ADAMTSL1: variants seen among roughly 807,000 people sequenced by gnomAD.
The protein encoded by ADAMTSL1 is ADAMTS-like protein 1.
A neutral mutation model predicts 201.8 loss-of-function variants in ADAMTSL1; 126 were observed. That is an observed-to-expected ratio of 0.62 (90% confidence interval 0.54 to 0.72). The LOEUF (loss-of-function observed/expected upper bound fraction) is 0.72, where lower values mean the gene tolerates loss of function less well. Ranked by LOEUF, ADAMTSL1 falls within the 30% of genes least tolerant of loss-of-function variation. The pLI is 0.00. For missense variants in ADAMTSL1, 2,679 were observed against 2,277.8 expected, an observed-to-expected ratio of 1.18 and a Z score of -3.59; for synonymous variants, 1,121 against 903.4, an observed-to-expected ratio of 1.24 and a Z score of -4.32.
At chr9:18,621,481 T>C (rs1826027528) in intron 4 of ADAMTSL1, among the ~76,000 whole-genome samples, 1 of 151,614 alleles carries the variant, frequency 6.6e-6, no homozygotes, top group Admixed American at 6.6e-5. Flanking sequence ...CTGTGCCTGA[T>C]ACAGGACAGG....
chr9:18,824,036 CGAAGGAAG>C (rs72217621), intron 21 of ADAMTSL1, among the ~76,000 whole-genome samples: 9 of 147,436 alleles, frequency 6.1e-5, no homozygotes, highest in African/African-American at 1.2e-4. Flanking sequence ...AAGGAAGGAA[CGAAGGAAG>C]GAAGGAAGGA....
intron 6 of ADAMTSL1, 68 bp from the exon 7 acceptor site, chr9:18,639,186 T>G: frequency 9.4e-6 from 14 of 1,487,958 alleles, no homozygotes; most frequent in South Asian, 1.2e-5. Context: ...CATTGTTGCA[T>G]GAAATGTGCT....
intron 1 of ADAMTSL1, among the ~76,000 whole-genome samples, chr9:17,977,090 T>G (rs1354954828): frequency 6.6e-6 from 1 of 152,126 alleles, no homozygotes; most frequent in African/African-American, 2.4e-5. Context: ...TCTTATGATC[T>G]TTTATCTTTC....
chr9:18,112,129 T>C (rs1825050764), intron 1 of ADAMTSL1, among the ~76,000 whole-genome samples: 1 of 152,140 alleles, frequency 6.6e-6, no homozygotes, highest in Non-Finnish European at 1.5e-5. Context: ...TGTTCTAGGA[T>C]CCTACTCTGC....
intron 4 of ADAMTSL1, among the ~76,000 whole-genome samples, chr9:18,593,250 A>G (rs1222578806): frequency 1.3e-5 from 2 of 152,184 alleles, no homozygotes; most frequent in Non-Finnish European, 2.9e-5. Context: ...TTCCAGTAGT[A>G]TGTTAAATAA....
chr9:18,777,365 G>T lies in ADAMTSL1; in HGVS notation c.3136G>T (p.Asp1046Tyr). 8.7e-6 allele frequency: 14 copies of T among 1,602,884 alleles called. No individual in the cohort carries two copies. The highest frequency in any genetic ancestry group is 1.1e-5 in the Non-Finnish European group (13 of 1,175,346). ...GELLASWEAQDSAERNTTSEE... is the reference protein window; with the variant it reads ...GELLASWEAQYSAERNTTSEE... ...GCTGCTGGCCTCGTGGGAGGCGCAG[G>T]ACTCTGCGGAAAGGAACACGACCTC... Residue 1046 changes from aspartate to tyrosine, a missense_variant, in exon 19 of 29, where the codon GAC becomes TAC. Coordinates refer to ENST00000380548, the MANE Select transcript of ADAMTSL1 (RefSeq NM_001040272.6).
At chr9:18,629,679 G>A (rs1228712599) in intron 5 of ADAMTSL1, among the ~76,000 whole-genome samples, 1 of 152,148 alleles carries the variant, frequency 6.6e-6, no homozygotes, top group Admixed American at 6.5e-5. Context: ...GTTCATGAGA[G>A]ATACTGGTCT....
chr9:18,787,505 A>C (rs1407901948), intron 19 of ADAMTSL1, among the ~76,000 whole-genome samples: 1 of 152,174 alleles, frequency 6.6e-6, no homozygotes, highest in East Asian at 1.9e-4. Flanking sequence ...AGCACATGGC[A>C]GAGTTCCAGA....
chr9:18,003,649 G>C (rs1819700428), intron 1 of ADAMTSL1, among the ~76,000 whole-genome samples: 1 of 152,080 alleles, frequency 6.6e-6, no homozygotes, highest in African/African-American at 2.4e-5. Flanking sequence ...GGGAATCTCA[G>C]TTCCAAATGT....
chr9:18,324,262 A>G (rs901110753), intron 2 of ADAMTSL1, among the ~76,000 whole-genome samples: 5 of 152,202 alleles, frequency 3.3e-5, no homozygotes, highest in East Asian at 1.9e-4. Flanking sequence ...AACATATGGG[A>G]AAAATGAACA....
At position 18,509,190 on chromosome 9, in the gene ADAMTSL1, CAAAAAAAAAAAAAAAAAAAA is replaced by C. The variant is rs57922962; in HGVS notation, c.191+4257_191+4276del. On this transcript the variant is annotated intron_variant, in intron 2 of 28. Transcript: ENST00000380548. ...TGGGCGACAGAGCGAGACTCCGTCT[CAAAAAAAAAAAAAAAAAAAA>C]AAAAAAAAAAAAAAAAAAAAAAGAA... 2.2e-3 allele frequency among the ~76,000 whole-genome samples: 45 copies of C among 20,460 alleles called. 1 individual carries two copies. The East Asian group carries it at 0.026, about 12-fold the overall frequency. 13.4% of individuals were successfully genotyped at this position (20,460 alleles called of 152,430 possible).
intron 2 of ADAMTSL1, among the ~76,000 whole-genome samples, chr9:18,525,278 A>G (rs555858409): frequency 3.3e-5 from 5 of 152,236 alleles, no homozygotes; most frequent in South Asian, 2.1e-4. Context: ...CTGTGGGATC[A>G]GTGGTGATAT....
chr9:18,061,250 C>A (rs749319814), intron 1 of ADAMTSL1, among the ~76,000 whole-genome samples: 40 of 152,194 alleles, frequency 2.6e-4, no homozygotes, highest in Non-Finnish European at 5.0e-4. Context: ...GTGGCATTAA[C>A]AACTACTGAG....
chr9:18,605,110 C>T (rs1483291418), intron 4 of ADAMTSL1, among the ~76,000 whole-genome samples: 1 of 152,190 alleles, frequency 6.6e-6, no homozygotes, highest in African/African-American at 2.4e-5. Context: ...TTCTTCCCTA[C>T]CTTTTTTCCC....
At chr9:18,548,505 T>G (rs1384283962) in intron 3 of ADAMTSL1, among the ~76,000 whole-genome samples, 3 of 152,064 alleles carry the variant, frequency 2.0e-5, no homozygotes, top group Non-Finnish European at 2.9e-5. Context: ...GGATGTGAGT[T>G]TCATGTTAAT....
intron 3 of ADAMTSL1, among the ~76,000 whole-genome samples, chr9:18,550,100 GC>G (rs1043548706): frequency 4.6e-5 from 7 of 151,916 alleles, no homozygotes; most frequent in Admixed American, 4.6e-4. Context: ...AAACCAAAGA[GC>G]TTTTGGAGAT....
intron 14 of ADAMTSL1, among the ~76,000 whole-genome samples, chr9:18,711,689 C>A (rs1832613980): frequency 6.6e-6 from 1 of 152,220 alleles, no homozygotes; most frequent in African/African-American, 2.4e-5. Flanking sequence ...CGCCATTGCC[C>A]AGGCTTGCTT....
chr9:18,906,920 C>G lies in ADAMTSL1; in HGVS notation c.5182+8C>G. 6.2e-7 allele frequency: 1 copy of G among 1,613,788 alleles called. No homozygotes were observed. The highest frequency in any genetic ancestry group is 1.1e-5 in the South Asian group (1 of 91,054). Reference sequence around the variant, plus strand: ...TCACCCCATGTGAAAACAGTATGTTCCAACCCCAAAGAACCTTCTGCAAAT... The same window carrying G: ...TCACCCCATGTGAAAACAGTATGTTGCAACCCCAAAGAACCTTCTGCAAAT... On this transcript the variant is annotated splice_region_variant and intron_variant, in intron 28 of 28. Coordinates refer to ENST00000380548, the MANE Select transcript of ADAMTSL1 (RefSeq NM_001040272.6).
intron 19 of ADAMTSL1, among the ~76,000 whole-genome samples, chr9:18,782,566 G>T (rs368796516): frequency 3.3e-5 from 5 of 152,114 alleles, no homozygotes; most frequent in African/African-American, 1.2e-4. Context: ...GGCACCAAAC[G>T]TACTAAATAA....
Sources: gnomAD v4.1 joint callset for allele counts (sites outside exome capture counted in the v4.1 genomes callset) on GRCh38, gnomAD v4.1.1 for gene constraint, MANE v1.5 for transcripts, NCBI Gene and HGNC (gene_info 2026-07-23, HGNC 2026-07-21) for gene names.